The following ANKRD12 variants were observed in gnomAD, a reference collection of about 807,000 sequenced individuals.
ANKRD12 encodes ankyrin repeat domain 12, also known as ankyrin repeat domain-containing protein 12.
A neutral mutation model predicts 183.4 loss-of-function variants in ANKRD12; 85 were observed. The observed-to-expected ratio is 0.46, with a 90% CI of 0.39 to 0.56. The LOEUF is 0.56. Ranked by LOEUF, ANKRD12 falls within the 20% of genes least tolerant of loss-of-function variation. The pLI, the probability that ANKRD12 is intolerant of heterozygous loss-of-function variation, is 0.00. For missense variants in ANKRD12, 2,405 were observed against 2,357.1 expected (o/e 1.02, Z -0.42); for synonymous variants, 914 against 800.2 (o/e 1.14, Z -2.40).
intron 8 of ANKRD12, among the ~76,000 whole-genome samples, chr18:9,240,517 T>TA (rs2037601440): frequency 6.6e-6 from 1 of 152,190 alleles, no homozygotes; most frequent in Non-Finnish European, 1.5e-5. Flanking sequence ...CCCGCATACT[T>TA]ACTGACACTC....
rs1384562243 is a variant in ANKRD12 at position 9,216,898 on chromosome 18, G to A, written c.793G>A (p.Asp265Asn). ...LHDSASSGHR[D>N]IVKLLLRHGG... Reference sequence around the variant, plus strand: ...TGATTCTGCTAGTAGTGGGCACAGAGATGTAAGTATGATAGAAAAAAATCA... The same window carrying A: ...TGATTCTGCTAGTAGTGGGCACAGAAATGTAAGTATGATAGAAAAAAATCA... The change falls in exon 7 of 13, where the codon GAT becomes AAT. Residue 265 changes from aspartate (D) to asparagine (N), a missense_variant and splice_region_variant. Physicochemically the swap from Asp to Asn is conservative, Grantham distance 23. Transcript: ENST00000262126. The A allele has an allele frequency of 2.5e-6, 4 of 1,609,854 alleles. No individual in the cohort carries two copies. The highest frequency in any genetic ancestry group is 3.4e-5 in the Admixed American group (2 of 58,824).
intron 1 of ANKRD12, among the ~76,000 whole-genome samples, chr18:9,157,585 G>GTGTATGTA (rs1472659778): frequency 1.1e-5 from 1 of 92,706 alleles, no homozygotes; most frequent in African/African-American, 5.3e-5. Flanking sequence ...GTGTGTGTGT[G>GTGTATGTA]TATATATATA....
intron 1 of ANKRD12, among the ~76,000 whole-genome samples, chr18:9,181,360 A>C (rs541681150): frequency 6.6e-6 from 1 of 152,334 alleles, no homozygotes; most frequent in South Asian, 2.1e-4. Context: ...ACTCTGTTCA[A>C]GGTGTCTGAG....
chr18:9,210,492 A>G (rs1369064409), intron 5 of ANKRD12, among the ~76,000 whole-genome samples: 1 of 151,792 alleles, frequency 6.6e-6, no homozygotes, highest in African/African-American at 2.4e-5. Flanking sequence ...AGGCTGAGGC[A>G]GGCAGATCAC....
Position 9,244,536 on chromosome 18 carries a change from T to G in ANKRD12, c.944-9675T>G, listed in dbSNP as rs141441771. Reference sequence around the variant, plus strand: ...ATCCAGAATGACAGCAACAAGCAATTGACATACTTTAGAACAAAATTTCAG... The same window carrying G: ...ATCCAGAATGACAGCAACAAGCAATGGACATACTTTAGAACAAAATTTCAG... On this transcript the variant is annotated intron_variant, in intron 8 of 12. Coordinates refer to ENST00000262126, the MANE Select transcript of ANKRD12 (RefSeq NM_015208.5). Among the ~76,000 whole-genome samples, 531 of 152,266 alleles carry G rather than the reference T, an allele frequency of 3.5e-3. 4 individuals are homozygous for G. The highest frequency in any genetic ancestry group is 6.3e-3 in the Non-Finnish European group (430 of 68,020).
intron 1 of ANKRD12, among the ~76,000 whole-genome samples, chr18:9,151,513 CAA>C (rs2078685456): frequency 2.0e-5 from 3 of 152,058 alleles, no homozygotes; most frequent in South Asian, 4.1e-4. Context: ...GAAGGTCAAC[CAA>C]AAAGTCTTTG....
At chr18:9,268,355 C>G (rs1336077056) in intron 10 of ANKRD12, among the ~76,000 whole-genome samples, 4 of 152,100 alleles carry the variant, frequency 2.6e-5, no homozygotes, top group African/African-American at 9.7e-5. Context: ...TGATGAACAT[C>G]GATGCAAAAA....
intron 8 of ANKRD12, among the ~76,000 whole-genome samples, chr18:9,230,914 C>T (rs930611184): frequency 1.3e-5 from 2 of 152,004 alleles, no homozygotes; most frequent in Non-Finnish European, 2.9e-5. Flanking sequence ...GTGATCTGCC[C>T]GCTTCGGCCT....
chr18:9,209,030 T>A (rs1049758733), intron 5 of ANKRD12, among the ~76,000 whole-genome samples: 1 of 152,216 alleles, frequency 6.6e-6, no homozygotes, highest in Admixed American at 6.5e-5. Context: ...TTACACCATG[T>A]GTAATCCATG....
rs79517240 is a variant in ANKRD12 at position 9,205,186 on chromosome 18, T to C, written c.304+642T>C. 5.9e-3 allele frequency among the ~76,000 whole-genome samples: 900 copies of C among 152,300 alleles called. 8 individuals carry two copies. Among genetic ancestry groups the C allele is most frequent in the African/African-American group, 0.021 (861 of 41,562 alleles). ...TTGCTCCAGATAGAATACAAGAGGA[T>C]ATACAAGTACTGTGTCCTCTTAAAA... is the stretch of plus-strand genomic sequence containing the variant. On this transcript the variant is annotated intron_variant, in intron 4 of 12. Transcript: ENST00000262126.
intron 8 of ANKRD12, chr18:9,235,497 A>G: frequency 3.8e-6 from 1 of 260,580 alleles, no homozygotes; most frequent in Non-Finnish European, 8.1e-6. Flanking sequence ...ATATATCTCT[A>G]AGCATTGAAT....
intron 2 of ANKRD12, among the ~76,000 whole-genome samples, chr18:9,194,327 TTTTATTTATTTATTTATTTATTTA>T (rs139857271): frequency 0.013 from 1,822 of 144,622 alleles, 35 homozygotes; most frequent in African/African-American, 0.044. Flanking sequence ...ATATAGATAA[TTTTATTTATTTATTTATTTATTTA>T]TTTATTTATT....
intron 11 of ANKRD12, among the ~76,000 whole-genome samples, chr18:9,276,149 A>G (rs1366142281): frequency 6.6e-6 from 1 of 152,232 alleles, no homozygotes; most frequent in Non-Finnish European, 1.5e-5. Context: ...CCACATATAA[A>G]TTACATGAAC....
intron 7 of ANKRD12, among the ~76,000 whole-genome samples, chr18:9,220,196 G>A (rs911092481): frequency 3.3e-5 from 5 of 152,060 alleles, no homozygotes; most frequent in African/African-American, 1.2e-4. Context: ...TTCCTTTGAT[G>A]GTAAATGCAG....
chr18:9,223,340 G>A (rs866837292), intron 8 of ANKRD12, among the ~76,000 whole-genome samples: 16 of 151,142 alleles, frequency 1.1e-4, no homozygotes, highest in Middle Eastern at 3.2e-3. Context: ...TGCAAGCTCC[G>A]CCTCCCGGGT....
intron 3 of ANKRD12, among the ~76,000 whole-genome samples, chr18:9,199,799 G>A (rs2035061481): frequency 6.6e-6 from 1 of 151,548 alleles, no homozygotes; most frequent in South Asian, 2.1e-4. Flanking sequence ...TTATTTTCTT[G>A]TTCTTACATA....
intron 4 of ANKRD12, among the ~76,000 whole-genome samples, chr18:9,205,628 A>G (rs1403831736): frequency 6.6e-6 from 1 of 152,148 alleles, no homozygotes; most frequent in Non-Finnish European, 1.5e-5. Context: ...TGCCCCTGAA[A>G]GAGCTGTATG....
intron 7 of ANKRD12, among the ~76,000 whole-genome samples, chr18:9,220,431 A>G (rs955017760): frequency 6.6e-6 from 1 of 152,198 alleles, no homozygotes; most frequent in African/African-American, 2.4e-5. Flanking sequence ...ACAAAATATC[A>G]AAACAAGAAG....
In ANKRD12 at chr18:9,255,238, T is replaced by C; in HGVS notation, c.1971T>C (p.His657=). The change falls in exon 9 of 13, where the codon CAT becomes CAC. Residue 657 remains histidine, a synonymous_variant. Transcript: ENST00000262126. ...GKTLKKHKLK[H]KEREKEKHKK... The stretch of plus-strand genomic sequence containing the variant: ...CATTAAAAAAACATAAATTGAAGCA[T>C]AAAGAGAGGGAAAAAGAAAAGCATA... The C allele has an allele frequency of 1.9e-6, 3 of 1,564,348 alleles. No individual in the cohort carries two copies. Among genetic ancestry groups the C allele is most frequent in the Non-Finnish European group, 2.6e-6 (3 of 1,164,458 alleles).
Sources: gnomAD v4.1 joint callset for allele counts (sites outside exome capture counted in the v4.1 genomes callset) on GRCh38, gnomAD v4.1.1 for gene constraint, MANE v1.5 for transcripts, NCBI Gene and HGNC (gene_info 2026-07-23, HGNC 2026-07-21) for gene names.